Variants in TET3 observed in about 807,000 individuals in gnomAD.
TET3 encodes the protein tet methylcytosine dioxygenase 3.
In TET3, 19 loss-of-function variants were observed where a neutral mutation model predicts 141.4. The ratio of observed to expected loss-of-function variants is 0.13; its 90% CI spans 0.09 to 0.20. The LOEUF (loss-of-function observed/expected upper bound fraction) is 0.20. Among genes scored for constraint, TET3 ranks in the 10% least tolerant of loss-of-function variants. The pLI is 1.00. For missense variants in TET3, 1,874 were observed against 2,356.9 expected, an observed-to-expected ratio of 0.80 and a Z score of 4.24; for synonymous variants, 1,043 against 980.9, an observed-to-expected ratio of 1.06 and a Z score of -1.18.
At chr2:74,018,159 G>T (rs527807639) in intron 3 of TET3, among the ~76,000 whole-genome samples, 1 of 152,012 alleles carries the variant, frequency 6.6e-6, no homozygotes, top group African/African-American at 2.4e-5. Context: ...TAGAGACGGG[G>T]CTTCTCCATG....
chr2:74,134,221 C>A, the TET3 span, among the ~76,000 whole-genome samples: 1 of 152,182 alleles, frequency 6.6e-6, no homozygotes, highest in Non-Finnish European at 1.5e-5. Context: ...CACCTGAAAG[C>A]CGTCCCTGGG....
At chr2:74,114,853 C>CAAAAAA in the TET3 span, among the ~76,000 whole-genome samples, 22 of 43,866 alleles carry the variant, frequency 5.0e-4, 4 homozygotes, top group South Asian at 7.5e-3. Flanking sequence ...GACTCTGTCT[C>CAAAAAA]AAAAAAAAAA....
intron 3 of TET3, among the ~76,000 whole-genome samples, chr2:74,007,724 C>T (rs1163144399): frequency 6.6e-6 from 1 of 152,192 alleles, no homozygotes; most frequent in Non-Finnish European, 1.5e-5. Flanking sequence ...CTTTGGACTT[C>T]AGCTTTCTGG....
intron 2 of TET3, among the ~76,000 whole-genome samples, chr2:73,988,702 G>A (rs1037106784): frequency 1.3e-5 from 2 of 152,166 alleles, no homozygotes; most frequent in African/African-American, 2.4e-5. Flanking sequence ...TTGGGTGTCC[G>A]AGGACAGAGG....
intron 4 of TET3, among the ~76,000 whole-genome samples, chr2:74,050,343 A>AG (rs1687880974): frequency 6.6e-6 from 1 of 152,162 alleles, no homozygotes. Flanking sequence ...ACTATGTGTA[A>AG]AGCACTTAGT....
At chr2:74,090,537 C>G (rs1463156787) in intron 8 of TET3, among the ~76,000 whole-genome samples, 1 of 152,228 alleles carries the variant, frequency 6.6e-6, no homozygotes, top group Non-Finnish European at 1.5e-5. Flanking sequence ...CTTGCAGTCT[C>G]CATGCTGGGG....
At chr2:74,115,007 A>G in the TET3 span, among the ~76,000 whole-genome samples, 1 of 152,094 alleles carries the variant, frequency 6.6e-6, no homozygotes, top group Non-Finnish European at 1.5e-5. Context: ...CTACTAGAAG[A>G]AAACACAGGG....
At position 74,046,044 on chromosome 2, in the gene TET3, A is replaced by G. The variant is rs546741825; in HGVS notation, c.361-234A>G. ...TTCTGAGCAACATTAAGAATGTCTC[A>G]TTAGGATCTTCTCTTTAAAAATATC... On this transcript the variant is annotated intron_variant, in intron 3 of 11. Coordinates refer to ENST00000409262, the MANE Select transcript of TET3 (RefSeq NM_001287491.2). This position sits in a 1 kb window ranked among gnomAD's most constrained non-coding sequence, Gnocchi z 4.3. 6.6e-6 allele frequency among the ~76,000 whole-genome samples: 1 copy of G among 152,222 alleles called. No individual in the cohort carries two copies. The highest frequency in any genetic ancestry group is 1.5e-5 in the Non-Finnish European group (1 of 68,044).
At chr2:74,064,520 C>T (rs969497422) in intron 4 of TET3, among the ~76,000 whole-genome samples, 7 of 152,112 alleles carry the variant, frequency 4.6e-5, no homozygotes, top group East Asian at 1.9e-4. Flanking sequence ...CCACCTCAGC[C>T]GTTTGAGTAG....
At chr2:74,035,832 T>C (rs1042865090) in intron 3 of TET3, among the ~76,000 whole-genome samples, 8 of 152,018 alleles carry the variant, frequency 5.3e-5, no homozygotes, top group Non-Finnish European at 8.8e-5. Context: ...ACCAACATAA[T>C]GAAACCCCTT....
At chr2:74,077,781 C>T (rs992647930) in intron 5 of TET3, among the ~76,000 whole-genome samples, 2 of 152,230 alleles carry the variant, frequency 1.3e-5, no homozygotes, top group African/African-American at 4.8e-5. Context: ...AGCTCACCCT[C>T]CTGCGAGGAA....
chr2:73,995,909 G>A (rs1013862752), intron 2 of TET3, among the ~76,000 whole-genome samples: 1 of 152,136 alleles, frequency 6.6e-6, no homozygotes, highest in Admixed American at 6.5e-5. Flanking sequence ...CCAGTCCACT[G>A]CTTCTCCTTG....
rs1330534850 is a variant in TET3 at position 74,101,507 on chromosome 2, C to A, written c.4719C>A (p.Ser1573Arg). ...EEGRIPAAGA[S>R]QLDRAWQSFG... ...GCAGGATTCCAGCCGCAGGGGCCAG[C>A]CAGCTGGACAGGGCCTGGCAGTCCT... Residue 1573 changes from serine to arginine, a missense_variant, in exon 12 of 12, where the codon AGC becomes AGA. This residue lies in a region of TET3 where 602 missense variants were observed against 590.2 expected (regional missense o/e 1.02). Transcript: ENST00000409262. This position sits in a 1 kb window ranked among gnomAD's most constrained non-coding sequence, Gnocchi z 8.5. The A allele has an allele frequency of 1.2e-6, 2 of 1,612,684 alleles. No individual in the cohort carries two copies. Among genetic ancestry groups the A allele is most frequent in the African/African-American group, 1.3e-5 (1 of 75,030 alleles).
At chr2:74,040,422 A>G (rs59022631) in intron 3 of TET3, among the ~76,000 whole-genome samples, 129 of 152,342 alleles carry the variant, frequency 8.5e-4, no homozygotes, top group Non-Finnish European at 1.1e-3. Context: ...TTTGGATCCA[A>G]TGACTGCACA....
chr2:74,047,279 C>T lies in TET3; in HGVS notation c.1362C>T (p.Arg454=), dbSNP rs1419898981. The T allele has an allele frequency of 6.2e-7, 1 of 1,614,054 alleles. No homozygotes were observed. The highest frequency in any genetic ancestry group is 2.2e-5 in the East Asian group (1 of 44,872). Residue 454 remains arginine (R), a synonymous_variant, in exon 4 of 12, where the codon CGC becomes CGT. Transcript: ENST00000409262. ...CCCGGAGCTCCTGGCCCATGCCTCG[C>T]CCAAGCCCCGATCCCATGGCTGAAC... ...ATPRSSWPMP[R]PSPDPMAELE...
At chr2:74,134,917 G>C in the TET3 span, 1 of 371,460 alleles carries the variant, frequency 2.7e-6, no homozygotes, top group African/African-American at 2.1e-5. Flanking sequence ...GGTGTGACTT[G>C]CTCCCAAGTT....
chr2:74,125,095 C>T, the TET3 span, among the ~76,000 whole-genome samples: 3 of 151,636 alleles, frequency 2.0e-5, no homozygotes, highest in African/African-American at 7.3e-5. Context: ...CATCCTCTGC[C>T]TCCTGGGTTC....
chr2:74,004,053 G>A (rs865893306), intron 3 of TET3, among the ~76,000 whole-genome samples: 7 of 152,144 alleles, frequency 4.6e-5, no homozygotes, highest in Admixed American at 3.3e-4. Flanking sequence ...GGCCCAGGGC[G>A]GAGAAAACAG....
chr2:74,006,689 G>A (rs991005428), intron 3 of TET3, among the ~76,000 whole-genome samples: 4 of 152,212 alleles, frequency 2.6e-5, no homozygotes, highest in African/African-American at 9.6e-5. Context: ...TGGGGGTGGG[G>A]GCAGGGAGTA....
Sources: gnomAD v4.1 joint callset for allele counts (sites outside exome capture counted in the v4.1 genomes callset) on GRCh38, gnomAD v4.1.1 for gene constraint, gnomAD v4.1.1 regional missense constraint, Gnocchi (gnomAD v3.1) non-coding constraint, MANE v1.5 for transcripts, NCBI Gene and HGNC (gene_info 2026-07-23, HGNC 2026-07-21) for gene names.